The following JPH2 variants were observed in gnomAD, a reference collection of about 807,000 sequenced individuals.
JPH2 encodes junctophilin 2.
A neutral mutation model predicts 55.9 loss-of-function variants in JPH2; 38 were observed. The observed-to-expected ratio is 0.68, with a 90% CI of 0.52 to 0.89. JPH2 has a LOEUF of 0.89. Ranked by LOEUF, JPH2 falls within the 40% of genes least tolerant of loss-of-function variation. JPH2 has a pLI of 0.00. For missense variants in JPH2, 964 were observed against 1,037.6 expected, an observed-to-expected ratio of 0.93 and a Z score of 0.97; for synonymous variants, 480 against 472.4, an observed-to-expected ratio of 1.02 and a Z score of -0.21.
chr20:44,135,428 G>A (rs1428718076), intron 2 of JPH2, among the ~76,000 whole-genome samples: 3 of 152,050 alleles, frequency 2.0e-5, no homozygotes, highest in East Asian at 1.9e-4. Flanking sequence ...CTTCTCCTGG[G>A]AACTCTTGTC....
chr20:44,179,683 C>T (rs2072764617), intron 1 of JPH2, among the ~76,000 whole-genome samples: 1 of 152,178 alleles, frequency 6.6e-6, no homozygotes, highest in Admixed American at 6.5e-5. Context: ...TTTCATTTTG[C>T]ACTGGGTCTC....
At chr20:44,179,442 G>A (rs1267501210) in intron 1 of JPH2, among the ~76,000 whole-genome samples, 1 of 152,198 alleles carries the variant, frequency 6.6e-6, no homozygotes, top group Non-Finnish European at 1.5e-5. Flanking sequence ...GGGTTATGAG[G>A]TAACCCAAGT....
chr20:44,177,214 C>G, intron 1 of JPH2: 3 of 985,712 alleles, frequency 3.0e-6, no homozygotes, highest in Non-Finnish European at 3.6e-6. Flanking sequence ...GGATAACCCT[C>G]CAAGGCAGGA....
rs1171144906 is a variant in JPH2, at chr20:44,134,004, AAT to A, written c.1170-15383_1170-15382del. ...ATATATATTATTATAAATATATATAAATATATATATTATAAATATATATAAAT... is the reference window on the plus strand; with the variant it reads ...ATATATATTATTATAAATATATATAAATATATATTATAAATATATATAAAT... On this transcript the variant is annotated intron_variant, in intron 2 of 5. Coordinates refer to ENST00000372980, the MANE Select transcript of JPH2 (RefSeq NM_020433.5). Among the ~76,000 whole-genome samples, 3 of 30,742 alleles carry A rather than the reference AAT, an allele frequency of 9.8e-5. 1 individual carries two copies. The highest frequency in any genetic ancestry group is 2.4e-3 in the South Asian group (2 of 828). The allele number at this position is 30,742 out of a possible 152,430, so 20.2% of individuals were successfully genotyped here. A position where few individuals can be genotyped will look rare whatever the true frequency, so the allele number is the denominator to read the frequency against.
chr20:44,119,873 CAA>C (rs56808570), intron 2 of JPH2, among the ~76,000 whole-genome samples: 4,111 of 121,198 alleles, frequency 0.034, 56 homozygotes, highest in African/African-American at 0.046. Context: ...GACTCCATCT[CAA>C]AAAAAAAAAA....
Position 44,107,370 on chromosome 20 carries a change from C to G in JPH2, c.*6148G>C, listed in dbSNP as rs2072114715. ...ACCAAAACCCACATCCTTCTCTTCT[C>G]CCTGAGGACACATGTAGTCCGTATT... On this transcript the variant is annotated 3_prime_UTR_variant, in exon 6 of 6. Coordinates refer to ENST00000372980, the MANE Select transcript of JPH2 (RefSeq NM_020433.5). 6.6e-6 allele frequency among the ~76,000 whole-genome samples: 1 copy of G among 152,158 alleles called. No homozygotes were observed. The highest frequency in any genetic ancestry group is 6.5e-5 in the Admixed American group (1 of 15,276).
At chr20:44,126,528 C>T (rs1402265508) in intron 2 of JPH2, among the ~76,000 whole-genome samples, 1 of 152,148 alleles carries the variant, frequency 6.6e-6, no homozygotes, top group African/African-American at 2.4e-5. Flanking sequence ...TCATGACCAT[C>T]TACCCCAGAA....
At position 44,115,728 on chromosome 20, in the gene JPH2, C is replaced by T. The variant is rs779253937; in HGVS notation, c.1947G>A (p.Gly649=). The change falls in exon 4 of 6, where the codon GGG becomes GGA. Residue 649 remains glycine, a synonymous_variant. Transcript: ENST00000372980. ...CCTCCTTCCGCGCCTTCTTCTTGGC[C>T]CCCGCCTTGGTCAGCCCTCGAGCCT... ...KTEARGLTKA[G]AKKKARKEAA... 10 of 1,613,512 alleles carry T rather than the reference C, an allele frequency of 6.2e-6. No individual in the cohort carries two copies. The Admixed American group carries it at 1.5e-4, about 24-fold the overall frequency.
Position 44,134,192 on chromosome 20 carries a change from ATTATAAATATATAAATATATATT to A in JPH2, c.1170-15592_1170-15570del, listed in dbSNP as rs2072360685. Among the ~76,000 whole-genome samples the A allele has an allele frequency of 6.1e-5, 3 of 49,508 alleles. 1 individual carries two copies. The highest frequency in any genetic ancestry group is 1.0e-4 in the Non-Finnish European group (3 of 29,756). The allele number at this position is 49,508 out of a possible 152,430, so 32.5% of individuals were successfully genotyped here. A position where few individuals can be genotyped will look rare whatever the true frequency, so the allele number is the denominator to read the frequency against. On this transcript the variant is annotated intron_variant, in intron 2 of 5. Coordinates refer to ENST00000372980, the MANE Select transcript of JPH2 (RefSeq NM_020433.5). ...ATTTATTATAAATATATAAATATTT[ATTATAAATATATAAATATATATT>A]TATTATAAATATATATAAATATTTA...
chr20:44,177,168 T>C (rs2072740989), intron 1 of JPH2: 2 of 985,612 alleles, frequency 2.0e-6, no homozygotes, highest in Non-Finnish European at 2.4e-6. Context: ...TCTCCTACTC[T>C]GTGGCTTCAG....
chr20:44,133,227 C>G (rs1044589303), intron 2 of JPH2, among the ~76,000 whole-genome samples: 1 of 148,132 alleles, frequency 6.8e-6, no homozygotes, highest in South Asian at 2.2e-4. Context: ...CTTCTTTAAA[C>G]TCTCCCCAAT....
rs1600828763 is a variant in JPH2 at position 44,115,738 on chromosome 20, G to C, written c.1937C>G (p.Thr646Ser). The part of the protein sequence containing the change: ...KARKTEARGL[T>S]KAGAKKKARK... ...CGCCTTCTTCTTGGCCCCCGCCTTG[G>C]TCAGCCCTCGAGCCTCAGTCTTGCG... The change falls in exon 4 of 6, where the codon ACC becomes AGC. Residue 646 changes from threonine (T) to serine (S), a missense_variant. Physicochemically the swap from Thr to Ser is moderately conservative, Grantham distance 58. Transcript: ENST00000372980. 21 of 1,613,450 alleles carry C rather than the reference G, an allele frequency of 1.3e-5. No homozygotes were observed. The highest frequency in any genetic ancestry group is 1.8e-5 in the Non-Finnish European group (21 of 1,179,988).
At chr20:44,176,316 G>GTTTTTTTTTTTTTTTTTTTTTTTTTT (rs1226182561) in intron 1 of JPH2, among the ~76,000 whole-genome samples, 1 of 116,170 alleles carries the variant, frequency 8.6e-6, no homozygotes, top group African/African-American at 3.4e-5. Flanking sequence ...GATCCTATCT[G>GTTTTTTTTTTTTTTTTTTTTTTTTTT]TCTTTTTTTT....
intron 2 of JPH2, among the ~76,000 whole-genome samples, chr20:44,156,014 C>T (rs1418281210): frequency 6.9e-6 from 1 of 145,322 alleles, no homozygotes; most frequent in Non-Finnish European, 1.5e-5. Context: ...CCAGCCTGGG[C>T]AACACAGTGA....
intron 1 of JPH2, among the ~76,000 whole-genome samples, chr20:44,181,261 T>C (rs1162918882): frequency 6.6e-6 from 1 of 152,130 alleles, no homozygotes; most frequent in African/African-American, 2.4e-5. Flanking sequence ...GTCAAACTTT[T>C]TGGACCATGA....
chr20:44,130,022 T>C (rs2072306317), intron 2 of JPH2, among the ~76,000 whole-genome samples: 1 of 152,140 alleles, frequency 6.6e-6, no homozygotes, highest in Non-Finnish European at 1.5e-5. Flanking sequence ...AATATATCTG[T>C]ATTGTTTTAA....
At chr20:44,184,866 C>T (rs947828283) in intron 1 of JPH2, among the ~76,000 whole-genome samples, 2 of 152,204 alleles carry the variant, frequency 1.3e-5, no homozygotes, top group Non-Finnish European at 2.9e-5. Context: ...TCTAAATTCT[C>T]CTTTCTGCAA....
chr20:44,123,846 A>G (rs1363259479), intron 2 of JPH2, among the ~76,000 whole-genome samples: 1 of 152,186 alleles, frequency 6.6e-6, no homozygotes, highest in East Asian at 1.9e-4. Context: ...AGCCAGCTCC[A>G]TCTTGAAGTT....
chr20:44,182,500 C>T (rs1470926432), intron 1 of JPH2, among the ~76,000 whole-genome samples: 3 of 152,192 alleles, frequency 2.0e-5, no homozygotes, highest in Non-Finnish European at 4.4e-5. Context: ...AACCCAGGAC[C>T]TGCAAAGCCT....
Sources: allele counts gnomAD v4.1 joint callset (sites outside exome capture counted in the v4.1 genomes callset), GRCh38; gene constraint gnomAD v4.1.1; transcripts MANE v1.5; gene names NCBI Gene and HGNC (gene_info 2026-07-23, HGNC 2026-07-21).